The following CDKAL1 variants were observed in gnomAD, a reference collection of about 807,000 sequenced individuals.
CDKAL1 encodes CDKAL1 threonylcarbamoyladenosine tRNA methylthiotransferase.
CDKAL1 carries 32 observed loss-of-function variants against 68.2 expected under a neutral mutation model. That is an observed-to-expected ratio of 0.47 (90% confidence interval 0.35 to 0.63). The LOEUF is 0.63. CDKAL1 is among the 30% of genes least tolerant of loss of function. CDKAL1 has a pLI of 0.00. For synonymous variants in CDKAL1, 234 were observed against 244.3 expected, an observed-to-expected ratio of 0.96 and a Z score of 0.39; for missense variants, 606 against 696.7, an observed-to-expected ratio of 0.87 and a Z score of 1.47.
At chr6:21,142,096 G>C (rs1775945375) in intron 13 of CDKAL1, among the ~76,000 whole-genome samples, 1 of 152,014 alleles carries the variant, frequency 6.6e-6, no homozygotes. Context: ...GTGTGCACCA[G>C]ACTGGTCTAG....
At chr6:21,187,633 C>T (rs1326469439) in intron 13 of CDKAL1, among the ~76,000 whole-genome samples, 3 of 152,006 alleles carry the variant, frequency 2.0e-5, no homozygotes, top group African/African-American at 7.3e-5. Context: ...TGCCTGACTC[C>T]CCATGCTTTT....
intron 13 of CDKAL1, among the ~76,000 whole-genome samples, chr6:21,195,710 C>T (rs1444235415): frequency 6.7e-6 from 1 of 150,218 alleles, no homozygotes; most frequent in Non-Finnish European, 1.5e-5. Flanking sequence ...GGGGTTTTGC[C>T]ATGTTACCCA....
intron 8 of CDKAL1, among the ~76,000 whole-genome samples, chr6:20,786,718 C>G (rs1299549598): frequency 6.6e-6 from 1 of 152,036 alleles, no homozygotes; most frequent in Non-Finnish European, 1.5e-5. Context: ...AGGATGGTCT[C>G]GATCTCCTGA....
At chr6:20,943,256 T>G (rs9465942) in intron 9 of CDKAL1, among the ~76,000 whole-genome samples, 19,180 of 149,464 alleles carry the variant, frequency 0.13, 1,636 homozygotes, top group African/African-American at 0.25. Flanking sequence ...ACTCTTTTCT[T>G]TGTTCTTGTA....
chr6:21,190,955 G>C (rs1778212038), intron 13 of CDKAL1, among the ~76,000 whole-genome samples: 1 of 151,932 alleles, frequency 6.6e-6, no homozygotes, highest in Non-Finnish European at 1.5e-5. Flanking sequence ...GTGAAAGTAA[G>C]AAGAAAAAAA....
chr6:20,639,789 G>A (rs1164370353), intron 4 of CDKAL1, among the ~76,000 whole-genome samples: 2 of 152,158 alleles, frequency 1.3e-5, no homozygotes, highest in Non-Finnish European at 2.9e-5. Flanking sequence ...TTCTGCCTCA[G>A]CCTCCCGAGT....
rs186146524 is a variant in CDKAL1, at chr6:20,996,759, A to G, written c.910-3468A>G. ...GCACATGCTGTTGAAAAAATTTGCCAGTGCACATGCTTGACACAGGGTTGC... is the reference window on the plus strand; with the variant it reads ...GCACATGCTGTTGAAAAAATTTGCCGGTGCACATGCTTGACACAGGGTTGC... On this transcript the variant is annotated intron_variant, in intron 10 of 15. Transcript: ENST00000274695. 1.1e-3 allele frequency among the ~76,000 whole-genome samples: 169 copies of G among 152,364 alleles called. 2 individuals carry two copies. In the Middle Eastern group the frequency reaches 0.037, roughly 34 times the overall value.
chr6:21,091,857 C>CTTTTT (rs70990099), intron 12 of CDKAL1, among the ~76,000 whole-genome samples: 3 of 70,538 alleles, frequency 4.3e-5, no homozygotes, highest in Non-Finnish European at 7.8e-5. Flanking sequence ...TCAGAACTTT[C>CTTTTT]TTTTTTTTTT....
Position 21,029,769 on chromosome 6 carries a change from C to G in CDKAL1, c.1055+29397C>G, listed in dbSNP as rs139907193. On this transcript the variant is annotated intron_variant, in intron 11 of 15. Transcript: ENST00000274695. ...TCGTTAGAGAAATGCAAATCAAAACCACAGTGACATAGCATCTCACATCAG... is the reference window on the plus strand; with the variant it reads ...TCGTTAGAGAAATGCAAATCAAAACGACAGTGACATAGCATCTCACATCAG... Among the ~76,000 whole-genome samples the G allele has an allele frequency of 2.8e-3, 433 of 152,140 alleles. 4 individuals carry two copies. The highest frequency in any genetic ancestry group is 1.0e-2 in the African/African-American group (414 of 41,512).
chr6:21,130,216 C>G (rs1182071192), intron 13 of CDKAL1, among the ~76,000 whole-genome samples: 1 of 140,524 alleles, frequency 7.1e-6, no homozygotes, highest in African/African-American at 2.6e-5. Flanking sequence ...GCAAATTGGA[C>G]CTAACTTTTT....
intron 5 of CDKAL1, among the ~76,000 whole-genome samples, chr6:20,696,243 G>T (rs1262303615): frequency 6.6e-6 from 1 of 152,156 alleles, no homozygotes; most frequent in Non-Finnish European, 1.5e-5. Flanking sequence ...TTAAGAAGTC[G>T]TCTAAAAACC....
intron 9 of CDKAL1, among the ~76,000 whole-genome samples, chr6:20,927,343 T>G (rs1160509961): frequency 6.6e-6 from 1 of 152,140 alleles, no homozygotes; most frequent in African/African-American, 2.4e-5. Context: ...GAGGCAAGAA[T>G]TCCACCAATT....
chr6:20,652,990 T>C (rs1175820761), intron 5 of CDKAL1, among the ~76,000 whole-genome samples: 1 of 152,238 alleles, frequency 6.6e-6, no homozygotes, highest in Non-Finnish European at 1.5e-5. Context: ...TTTTGAACTT[T>C]ATCTGTTGAA....
chr6:20,673,068 C>T (rs113772820), intron 5 of CDKAL1, among the ~76,000 whole-genome samples: 14,117 of 152,232 alleles, frequency 0.093, 2,104 homozygotes, highest in African/African-American at 0.32. Flanking sequence ...TGAGCCACAG[C>T]GCCTGGCTGG....
At chr6:20,760,242 A>G (rs1025508762) in intron 7 of CDKAL1, among the ~76,000 whole-genome samples, 1 of 152,140 alleles carries the variant, frequency 6.6e-6, no homozygotes, top group African/African-American at 2.4e-5. Context: ...GGCCTCCAAA[A>G]GTGCTGGAAT....
chr6:21,022,364 G>T (rs1442793515), intron 11 of CDKAL1, among the ~76,000 whole-genome samples: 2 of 152,162 alleles, frequency 1.3e-5, no homozygotes, highest in Non-Finnish European at 2.9e-5. Context: ...AGTGCAGGGG[G>T]TAAATTATCT....
chr6:20,925,996 A>G (rs1402946410), intron 9 of CDKAL1, among the ~76,000 whole-genome samples: 1 of 152,186 alleles, frequency 6.6e-6, no homozygotes, highest in Non-Finnish European at 1.5e-5. Context: ...CTTTCAAGAT[A>G]TTACACAGAG....
In CDKAL1 at chr6:20,991,980, TTC is replaced by T. The variant is rs1188200571; in HGVS notation, c.910-8245_910-8244del. Reference sequence around the variant, plus strand: ...GTCACATTCTCTTCATTTTAAGAGATTCTTAATTTAAGGAATTTTTATACTTT... The same window carrying T: ...GTCACATTCTCTTCATTTTAAGAGATTTAATTTAAGGAATTTTTATACTTT... On this transcript the variant is annotated intron_variant, in intron 10 of 15. Transcript: ENST00000274695. 7.3e-5 allele frequency among the ~76,000 whole-genome samples: 11 copies of T among 150,414 alleles called. No individual in the cohort carries two copies. The East Asian group carries it at 2.1e-3, about 29-fold the overall frequency.
intron 7 of CDKAL1, among the ~76,000 whole-genome samples, chr6:20,765,990 T>C (rs1254881745): frequency 6.6e-6 from 1 of 152,316 alleles, no homozygotes; most frequent in Non-Finnish European, 1.5e-5. Context: ...TAAATGAAGA[T>C]AGTAAGTAAC....
Sources: allele counts gnomAD v4.1 joint callset (sites outside exome capture counted in the v4.1 genomes callset), GRCh38; gene constraint gnomAD v4.1.1; transcripts MANE v1.5; gene names NCBI Gene and HGNC (gene_info 2026-07-23, HGNC 2026-07-21).